Variants in KIAA1549 observed in about 807,000 individuals in gnomAD.
KIAA1549 encodes KIAA1549.
Under a neutral mutation model 156.4 loss-of-function variants are expected in KIAA1549, and 70 were observed. The ratio of observed to expected loss-of-function variants is 0.45; its 90% CI spans 0.37 to 0.55. The LOEUF (loss-of-function observed/expected upper bound fraction) is 0.55. Among genes scored for constraint, KIAA1549 ranks in the 20% least tolerant of loss-of-function variants. The probability of loss-of-function intolerance (pLI) is 0.00; values close to 1 mark genes in which losing one functional copy is unlikely to be tolerated. For missense variants in KIAA1549, 2,428 were observed against 2,540.9 expected (o/e 0.96, Z 0.96); for synonymous variants, 1,103 against 1,066.4 (o/e 1.03, Z -0.67).
rs1809582789 is a variant in KIAA1549 at position 138,832,950 on chromosome 7, T to C, written c.*4956A>G. 1 of 231,056 alleles carries C rather than the reference T, an allele frequency of 4.3e-6. No homozygotes were observed. The highest frequency in any genetic ancestry group is 8.6e-6 in the Non-Finnish European group (1 of 116,716). 14.3% of individuals were successfully genotyped at this position (231,056 alleles called of 1,614,324 possible). On this transcript the variant is annotated 3_prime_UTR_variant, in exon 20 of 20. Transcript: ENST00000422774. The stretch of plus-strand genomic sequence containing the variant: ...ATGAGTATGTTACAGCAGCTGCTCA[T>C]AGAAACCCTGTTAGAACGTGTTAAC...
chr7:138,977,990 G>A (rs1032041336), intron 1 of KIAA1549, among the ~76,000 whole-genome samples: 3 of 152,166 alleles, frequency 2.0e-5, no homozygotes, highest in Non-Finnish European at 4.4e-5. Flanking sequence ...GTGAGCCAGC[G>A]CGCATGGCCA....
rs1809727022 is a variant in KIAA1549 at position 138,836,977 on chromosome 7, T to C, written c.*929A>G. 1 of 227,866 alleles carries C rather than the reference T, an allele frequency of 4.4e-6. No individual in the cohort carries two copies. The highest frequency in any genetic ancestry group is 1.8e-4 in the South Asian group (1 of 5,488). 14.1% of individuals were successfully genotyped at this position (227,866 alleles called of 1,614,324 possible). ...ATTTGTGAACAAATCAACAGCAAAG[T>C]GGAAGAAAGGATCAGTTAGGACCTC... On this transcript the variant is annotated 3_prime_UTR_variant, in exon 20 of 20. Transcript: ENST00000422774.
intron 1 of KIAA1549, among the ~76,000 whole-genome samples, chr7:138,969,958 T>A (rs1036656978): frequency 6.6e-6 from 1 of 152,186 alleles, no homozygotes; most frequent in African/African-American, 2.4e-5. Context: ...CAACCATTTA[T>A]CCTTTGTGTT....
intron 1 of KIAA1549, among the ~76,000 whole-genome samples, chr7:138,962,574 C>T (rs930447811): frequency 1.3e-5 from 2 of 152,120 alleles, no homozygotes; most frequent in Admixed American, 6.5e-5. Flanking sequence ...CCAAGCTGGT[C>T]ACCTGGGAAG....
intron 1 of KIAA1549, among the ~76,000 whole-genome samples, chr7:138,967,414 A>G (rs542879335): frequency 9.2e-5 from 14 of 152,346 alleles, no homozygotes; most frequent in African/African-American, 2.9e-4. Context: ...TGTGTTGATC[A>G]TATCTGAGAT....
chr7:138,877,379 AG>A (rs1811118595), intron 12 of KIAA1549, among the ~76,000 whole-genome samples: 1 of 152,128 alleles, frequency 6.6e-6, no homozygotes, highest in Non-Finnish European at 1.5e-5. Flanking sequence ...CTGTAATCCC[AG>A]CTACTCGGGA....
chr7:138,852,979 C>T (rs1175309485), intron 16 of KIAA1549, among the ~76,000 whole-genome samples: 1 of 152,200 alleles, frequency 6.6e-6, no homozygotes, highest in Non-Finnish European at 1.5e-5. Context: ...AAACAATATG[C>T]CACATGATTT....
intron 10 of KIAA1549, among the ~76,000 whole-genome samples, chr7:138,882,167 A>G (rs1811263577): frequency 6.6e-6 from 1 of 152,240 alleles, no homozygotes; most frequent in South Asian, 2.1e-4. Flanking sequence ...AAATACAAGC[A>G]CACAGGACAC....
chr7:138,933,244 G>C (rs1812922162), intron 1 of KIAA1549, among the ~76,000 whole-genome samples: 1 of 152,360 alleles, frequency 6.6e-6, no homozygotes, highest in East Asian at 1.9e-4. Context: ...TCTGAGATGA[G>C]AGAGAAGAAT....
chr7:138,910,280 G>A lies in KIAA1549; in HGVS notation c.3145+866C>T, dbSNP rs199681033. Reference sequence around the variant, plus strand: ...AGGTCAGGTGTGGTAGCTCACACCCGTAATCCCAGCACTTTGGGAGGCCAA... The same window carrying A: ...AGGTCAGGTGTGGTAGCTCACACCCATAATCCCAGCACTTTGGGAGGCCAA... On this transcript the variant is annotated intron_variant, in intron 4 of 19. Transcript: ENST00000422774. Among the ~76,000 whole-genome samples the A allele has an allele frequency of 1.2e-4, 18 of 152,210 alleles. No individual in the cohort carries two copies. The East Asian group carries it at 1.4e-3, about 11-fold the overall frequency.
chr7:138,948,916 G>A (rs567666432), intron 1 of KIAA1549, among the ~76,000 whole-genome samples: 76 of 151,946 alleles, frequency 5.0e-4, no homozygotes, highest in Admixed American at 1.2e-3. Flanking sequence ...GTTGGTCAGG[G>A]CTGGTCTCAA....
rs760800897 is a variant in KIAA1549, at chr7:138,964,042, G to C, written c.187+17041C>G. Among the ~76,000 whole-genome samples, 2 of 152,148 alleles carry C rather than the reference G, an allele frequency of 1.3e-5. 1 individual carries two copies. The highest frequency in any genetic ancestry group is 4.1e-4 in the South Asian group (2 of 4,824). On this transcript the variant is annotated intron_variant, in intron 1 of 19. Coordinates refer to ENST00000422774, the MANE Select transcript of KIAA1549 (RefSeq NM_001164665.2). ...TTATTGTTAAAATGTTTAATTTGCC[G>C]AAATAAAGTAAAATGCACCACCACA...
In KIAA1549 at chr7:138,966,026, T is replaced by C. The variant is rs1281999443; in HGVS notation, c.187+15057A>G. On this transcript the variant is annotated intron_variant, in intron 1 of 19. Coordinates refer to ENST00000422774, the MANE Select transcript of KIAA1549 (RefSeq NM_001164665.2). The stretch of plus-strand genomic sequence containing the variant: ...CAAGGCCTCTGCACTGGCCACATCA[T>C]TTGCTGGGAACACTGTTCCCCCCAA... Among the ~76,000 whole-genome samples, 5 of 152,246 alleles carry C rather than the reference T, an allele frequency of 3.3e-5. No homozygotes were observed. The East Asian group carries it at 9.7e-4, about 29-fold the overall frequency.
chr7:138,904,480 C>T (rs990887153), intron 7 of KIAA1549, among the ~76,000 whole-genome samples: 2 of 152,286 alleles, frequency 1.3e-5, no homozygotes, highest in African/African-American at 2.4e-5. Context: ...CATGCTCTCT[C>T]GTGCCCAGCT....
intron 15 of KIAA1549, among the ~76,000 whole-genome samples, chr7:138,862,952 G>A (rs577712761): frequency 1.1e-4 from 16 of 152,016 alleles, no homozygotes; most frequent in Non-Finnish European, 1.9e-4. Flanking sequence ...AAAAAAAAAC[G>A]CAAAGGTTCA....
At chr7:138,971,542 T>C (rs1814220605) in intron 1 of KIAA1549, among the ~76,000 whole-genome samples, 1 of 151,776 alleles carries the variant, frequency 6.6e-6, no homozygotes, top group Non-Finnish European at 1.5e-5. Flanking sequence ...ACCTTACCAC[T>C]CCCTCTTCCT....
Position 138,918,012 on chromosome 7 carries a change from A to C in KIAA1549, c.1614T>G (p.Ala538=). ...GGGTTTCAGCAACAGACAAGGAGCC[A>C]GCAGTAGGATCAAGTGACGCCGGCA... ...LSVPASLDPT[A]GSLSVAETQV... is the part of the protein sequence containing the mutation. The change falls in exon 2 of 20, where the codon GCT becomes GCG. Residue 538 remains alanine, a synonymous_variant. Transcript: ENST00000422774. This position sits in a 1 kb window ranked among gnomAD's most constrained non-coding sequence, Gnocchi z 4.2. The C allele has an allele frequency of 6.2e-7, 1 of 1,604,810 alleles. No homozygotes were observed. The highest frequency in any genetic ancestry group is 8.5e-7 in the Non-Finnish European group (1 of 1,175,566).
chr7:138,967,338 G>A lies in KIAA1549; in HGVS notation c.187+13745C>T, dbSNP rs141081853. ...GAGGCGGTTGCTAATTTTTCACATCGGGGTTAGGGAAGGCCTCCCTGATAA... is the reference window on the plus strand; with the variant it reads ...GAGGCGGTTGCTAATTTTTCACATCAGGGTTAGGGAAGGCCTCCCTGATAA... On this transcript the variant is annotated intron_variant, in intron 1 of 19. Coordinates refer to ENST00000422774, the MANE Select transcript of KIAA1549 (RefSeq NM_001164665.2). 5.3e-3 allele frequency among the ~76,000 whole-genome samples: 814 copies of A among 152,276 alleles called. 1 individual carries two copies. The highest frequency in any genetic ancestry group is 0.016 in the East Asian group (81 of 5,174).
intron 1 of KIAA1549, among the ~76,000 whole-genome samples, chr7:138,956,808 C>T (rs1019203653): frequency 6.6e-6 from 1 of 152,188 alleles, no homozygotes; most frequent in Non-Finnish European, 1.5e-5. Flanking sequence ...GATCATTTAC[C>T]TATTTAATTG....
Sources: gnomAD v4.1 joint callset for allele counts (sites outside exome capture counted in the v4.1 genomes callset) on GRCh38, gnomAD v4.1.1 for gene constraint, Gnocchi (gnomAD v3.1) non-coding constraint, MANE v1.5 for transcripts, NCBI Gene and HGNC (gene_info 2026-07-23, HGNC 2026-07-21) for gene names.